SNRPD1: variants seen among roughly 807,000 people sequenced by gnomAD.
SNRPD1 encodes small nuclear ribonucleoprotein Sm D1.
A neutral mutation model predicts 14.4 loss-of-function variants in SNRPD1; 1 was observed. The observed-to-expected ratio is 0.07, with a 90% CI of 0.02 to 0.33. The LOEUF is 0.33. SNRPD1 is among the 10% of genes least tolerant of loss of function. The pLI is 1.00. For synonymous variants in SNRPD1, 42 were observed against 50.3 expected (o/e 0.83, Z 0.70); for missense variants, 52 against 146.4 (o/e 0.36, Z 3.33).
chr18:21,617,938 T>C (rs775022775), intron 1 of SNRPD1, among the ~76,000 whole-genome samples: 13 of 152,170 alleles, frequency 8.5e-5, no homozygotes, highest in Non-Finnish European at 1.6e-4. Context: ...CAGATTGAGA[T>C]TGCGCTATTG....
At chr18:21,617,500 T>G (rs1397209257) in intron 1 of SNRPD1, among the ~76,000 whole-genome samples, 2 of 152,216 alleles carry the variant, frequency 1.3e-5, no homozygotes, top group Non-Finnish European at 1.5e-5. Context: ...TTCCTAGAGA[T>G]TATACTTTGG....
At position 21,613,332 on chromosome 18, in the gene SNRPD1, G is replaced by A. The variant is rs1424507092; in HGVS notation, c.14+889G>A. Among the ~76,000 whole-genome samples the A allele has an allele frequency of 4.6e-5, 7 of 152,152 alleles. No individual in the cohort carries two copies. In the East Asian group the frequency reaches 1.3e-3, roughly 29 times the overall value. On this transcript the variant is annotated intron_variant, in intron 1 of 3. Coordinates refer to ENST00000300413, the MANE Select transcript of SNRPD1 (RefSeq NM_006938.4). ...GCAGACGTTTCTAATAGCTAAGCCA[G>A]CAATTATAAATATTTAGCTTGTTTT...
chr18:21,622,059 G>A (rs1198970352), intron 1 of SNRPD1, among the ~76,000 whole-genome samples: 1 of 152,108 alleles, frequency 6.6e-6, no homozygotes, highest in African/African-American at 2.4e-5. Context: ...CATACCCACA[G>A]TGCAGGGGGT....
At chr18:21,621,631 G>A (rs1003258509) in intron 1 of SNRPD1, among the ~76,000 whole-genome samples, 4 of 151,926 alleles carry the variant, frequency 2.6e-5, no homozygotes, top group African/African-American at 9.7e-5. Flanking sequence ...AGGTTGGAGT[G>A]CAGTGGTGCG....
At chr18:21,620,890 G>A (rs1156967255) in intron 1 of SNRPD1, among the ~76,000 whole-genome samples, 4 of 152,232 alleles carry the variant, frequency 2.6e-5, no homozygotes, top group East Asian at 3.9e-4. Flanking sequence ...CAGGCAGGGC[G>A]CGGTGGCTCA....
chr18:21,619,579 G>T (rs1366177781), intron 1 of SNRPD1, among the ~76,000 whole-genome samples: 1 of 150,442 alleles, frequency 6.6e-6, no homozygotes, highest in Non-Finnish European at 1.5e-5. Flanking sequence ...GAGGTCAGAA[G>T]TTCGAGACCA....
At chr18:21,627,472 C>G (rs2039049209) in intron 3 of SNRPD1, among the ~76,000 whole-genome samples, 7 of 125,798 alleles carry the variant, frequency 5.6e-5, no homozygotes. Context: ...CAGAGTCATG[C>G]TCTGTTGCCC....
At chr18:21,615,762 G>A (rs759982830) in intron 1 of SNRPD1, among the ~76,000 whole-genome samples, 1 of 152,110 alleles carries the variant, frequency 6.6e-6, no homozygotes, top group South Asian at 2.1e-4. Flanking sequence ...GTAAATACTC[G>A]AGTGGAGTTG....
At chr18:21,612,913 G>T (rs537383037) in intron 1 of SNRPD1, among the ~76,000 whole-genome samples, 1 of 152,282 alleles carries the variant, frequency 6.6e-6, no homozygotes, top group East Asian at 1.9e-4. Flanking sequence ...TTGTTGACCA[G>T]GCTGGTCTCG....
intron 1 of SNRPD1, among the ~76,000 whole-genome samples, chr18:21,618,463 T>C (rs2038974031): frequency 6.6e-6 from 1 of 151,956 alleles, no homozygotes; most frequent in African/African-American, 2.4e-5. Context: ...TTTTTCCTTT[T>C]ATTTATCTTC....
intron 1 of SNRPD1, 25 bp downstream of exon 1, chr18:21,612,468 G>C: frequency 6.7e-7 from 1 of 1,498,850 alleles, no homozygotes; most frequent in African/African-American, 1.4e-5. Flanking sequence ...AAGCAGCTCT[G>C]GGGGCTGTGA....
At chr18:21,618,425 C>A (rs1170906964) in intron 1 of SNRPD1, among the ~76,000 whole-genome samples, 1 of 150,660 alleles carries the variant, frequency 6.6e-6, no homozygotes, top group Non-Finnish European at 1.5e-5. Context: ...TGTATCTGAG[C>A]CACCGCGCCT....
intron 1 of SNRPD1, among the ~76,000 whole-genome samples, chr18:21,618,276 T>A (rs533728310): frequency 1.7e-4 from 26 of 151,436 alleles, no homozygotes; most frequent in African/African-American, 5.8e-4. Flanking sequence ...TTTAAAAATT[T>A]AAAAAATATT....
chr18:21,625,771 C>T (rs566049727), intron 3 of SNRPD1, among the ~76,000 whole-genome samples: 13 of 152,162 alleles, frequency 8.5e-5, no homozygotes, highest in Non-Finnish European at 1.6e-4. Flanking sequence ...CAACCACGCC[C>T]GGCTAATTTT....
chr18:21,624,700 A>AT (rs1323957828), intron 3 of SNRPD1, among the ~76,000 whole-genome samples: 63 of 119,312 alleles, frequency 5.3e-4, no homozygotes, highest in African/African-American at 2.6e-3. Context: ...CAAAAAAAAA[A>AT]AATATATATA....
intron 1 of SNRPD1, among the ~76,000 whole-genome samples, chr18:21,616,908 G>T (rs549737485): frequency 1.3e-5 from 2 of 150,244 alleles, no homozygotes; most frequent in Non-Finnish European, 3.0e-5. Flanking sequence ...GGCTGGTCTC[G>T]ATCTCCTGAC....
intron 1 of SNRPD1, among the ~76,000 whole-genome samples, chr18:21,621,783 G>A (rs943036084): frequency 2.0e-5 from 3 of 152,028 alleles, no homozygotes; most frequent in Non-Finnish European, 4.4e-5. Context: ...CACCATGTTG[G>A]CCAGGCTGGT....
At chr18:21,627,070 C>T (rs1164876552) in intron 3 of SNRPD1, among the ~76,000 whole-genome samples, 1 of 151,424 alleles carries the variant, frequency 6.6e-6, no homozygotes, top group Non-Finnish European at 1.5e-5. Flanking sequence ...AGGTGGATCA[C>T]CAGCCTGGCC....
rs748864232 is a variant in SNRPD1 at position 21,625,315 on chromosome 18, A to ATTTTTTTTTTTTTTTTTTTTTTT, written c.283+1376_283+1377insTTTTTTTTTTTTTTTTTTTTTTT. Among the ~76,000 whole-genome samples the ATTTTTTTTTTTTTTTTTTTTTTT allele has an allele frequency of 2.0e-5, 2 of 98,262 alleles. 1 individual carries two copies. Among genetic ancestry groups the ATTTTTTTTTTTTTTTTTTTTTTT allele is most frequent in the Non-Finnish European group, 3.5e-5 (2 of 57,556 alleles). 64.5% of individuals were successfully genotyped at this position (98,262 alleles called of 152,430 possible). On this transcript the variant is annotated intron_variant, in intron 3 of 3. Coordinates refer to ENST00000300413, the MANE Select transcript of SNRPD1 (RefSeq NM_006938.4). ...TTCTATTTAAAATTTTGTTGAAAAAAATTTTTTTTTTTTTTTTTGAGATGG... is the reference window on the plus strand; with the variant it reads ...TTCTATTTAAAATTTTGTTGAAAAAATTTTTTTTTTTTTTTTTTTTTTTATTTTTTTTTTTTTTTTTGAGATGG...
Sources: allele counts gnomAD v4.1 joint callset (sites outside exome capture counted in the v4.1 genomes callset), GRCh38; gene constraint gnomAD v4.1.1; transcripts MANE v1.5; gene names NCBI Gene and HGNC (gene_info 2026-07-23, HGNC 2026-07-21).